Variants in ZBTB20 observed in about 807,000 individuals in gnomAD.
The protein encoded by ZBTB20 is zinc finger and BTB domain-containing protein 20.
A neutral mutation model predicts 56.9 loss-of-function variants in ZBTB20; 9 were observed. The ratio of observed to expected loss-of-function variants is 0.16; its 90% confidence interval spans 0.10 to 0.28. The LOEUF (loss-of-function observed/expected upper bound fraction) is 0.28, where lower values mean the gene tolerates loss of function less well. ZBTB20 is among the 10% of genes least tolerant of loss of function. ZBTB20 has a pLI of 1.00. For synonymous variants in ZBTB20, 417 were observed against 420.7 expected, an observed-to-expected ratio of 0.99 and a Z score of 0.11; for missense variants, 655 against 1,003.0, an observed-to-expected ratio of 0.65 and a Z score of 4.69.
intron 5 of ZBTB20, among the ~76,000 whole-genome samples, chr3:114,721,413 G>T (rs1317175205): frequency 1.3e-5 from 2 of 152,096 alleles, no homozygotes; most frequent in Non-Finnish European, 2.9e-5. Flanking sequence ...ATCTGACTTC[G>T]GTAGTGTCAG....
intron 2 of ZBTB20, among the ~76,000 whole-genome samples, chr3:114,979,145 T>C (rs1274300077): frequency 6.6e-6 from 1 of 151,972 alleles, no homozygotes; most frequent in Non-Finnish European, 1.5e-5. Flanking sequence ...ACTGGTAACA[T>C]CTCCAATTAA....
At chr3:114,647,233 C>T (rs2059896975) in intron 6 of ZBTB20, among the ~76,000 whole-genome samples, 1 of 152,206 alleles carries the variant, frequency 6.6e-6, no homozygotes, top group Non-Finnish European at 1.5e-5. Flanking sequence ...GCTGGGATTA[C>T]AGGCGTGAGC....
In ZBTB20 at chr3:115,079,919, T is replaced by C. The variant is rs534265763; in HGVS notation, c.-702-8505A>G. 3.9e-5 allele frequency among the ~76,000 whole-genome samples: 6 copies of C among 152,286 alleles called. No individual in the cohort carries two copies. In the South Asian group the frequency reaches 8.3e-4, roughly 21 times the overall value. On this transcript the variant is annotated intron_variant, in intron 1 of 11. Coordinates refer to ENST00000675478, the MANE Select transcript of ZBTB20 (RefSeq NM_001348800.3). ...TGCCTACAATGTGCTGGGGAAAATATTAGGTGTTTACGATATGATCTTATT... is the reference window on the plus strand; with the variant it reads ...TGCCTACAATGTGCTGGGGAAAATACTAGGTGTTTACGATATGATCTTATT...
chr3:114,860,272 A>C (rs1350790771), intron 4 of ZBTB20, among the ~76,000 whole-genome samples: 1 of 151,172 alleles, frequency 6.6e-6, no homozygotes, highest in Non-Finnish European at 1.5e-5. Flanking sequence ...GTGCCACTGC[A>C]CTCCAGCCTG....
At chr3:114,860,392 G>T (rs570904656) in intron 4 of ZBTB20, among the ~76,000 whole-genome samples, 21 of 152,118 alleles carry the variant, frequency 1.4e-4, no homozygotes, top group Non-Finnish European at 2.8e-4. Flanking sequence ...CTTCATGGGG[G>T]AGATGGCAAT....
chr3:115,107,965 G>C lies in ZBTB20; in HGVS notation c.-702-36551C>G, dbSNP rs562629952. Among the ~76,000 whole-genome samples the C allele has an allele frequency of 2.6e-5, 4 of 152,204 alleles. No homozygotes were observed. In the South Asian group the frequency reaches 6.2e-4, roughly 24 times the overall value. ...AACACATGGACACAGGGAGAGGAACGACACACACCAGGGCCTGTCGGCGGG... is the reference window on the plus strand; with the variant it reads ...AACACATGGACACAGGGAGAGGAACCACACACACCAGGGCCTGTCGGCGGG... On this transcript the variant is annotated intron_variant, in intron 1 of 11. Transcript: ENST00000675478.
At chr3:114,784,675 T>C (rs2070364344) in intron 5 of ZBTB20, among the ~76,000 whole-genome samples, 2 of 152,200 alleles carry the variant, frequency 1.3e-5, no homozygotes, top group African/African-American at 4.8e-5. Flanking sequence ...TTCTATTAAC[T>C]TGTAAAGTTA....
intron 4 of ZBTB20, among the ~76,000 whole-genome samples, chr3:114,820,850 A>G (rs1393514943): frequency 3.3e-5 from 5 of 152,108 alleles, no homozygotes; most frequent in Admixed American, 1.3e-4. Context: ...CATTCACCCA[A>G]TGCTCTGATG....
rs1526035 is a variant in ZBTB20, at chr3:114,328,478, G to T, written c.*10527C>A. 1 of 152,050 alleles carries T rather than the reference G, an allele frequency of 6.6e-6. No individual in the cohort carries two copies. Among genetic ancestry groups the T allele is most frequent in the Admixed American group, 6.6e-5 (1 of 15,266 alleles). 9.4% of individuals were successfully genotyped at this position (152,050 alleles called of 1,614,324 possible). A position where few individuals can be genotyped will look rare whatever the true frequency, so the allele number is the denominator to read the frequency against. Reference sequence around the variant, plus strand: ...TCCGTCAAAAGTGATTTACTCATATGAAGAACCTGAACACTGTGGTATTTA... The same window carrying T: ...TCCGTCAAAAGTGATTTACTCATATTAAGAACCTGAACACTGTGGTATTTA... On this transcript the variant is annotated 3_prime_UTR_variant, in exon 12 of 12. Transcript: ENST00000675478.
intron 1 of ZBTB20, among the ~76,000 whole-genome samples, chr3:115,132,936 TAGTG>T (rs1210668948): frequency 6.6e-6 from 1 of 152,232 alleles, no homozygotes; most frequent in Non-Finnish European, 1.5e-5. Flanking sequence ...AAATAGCTAC[TAGTG>T]AGTTATTATT....
chr3:115,066,348 A>T (rs760265501), intron 2 of ZBTB20, among the ~76,000 whole-genome samples: 4 of 151,926 alleles, frequency 2.6e-5, no homozygotes, highest in Non-Finnish European at 5.9e-5. Context: ...CTTTTTCTTT[A>T]ACAGCATCCA....
intron 2 of ZBTB20, among the ~76,000 whole-genome samples, chr3:115,019,720 G>A (rs1290822905): frequency 1.3e-5 from 2 of 151,246 alleles, no homozygotes; most frequent in Non-Finnish European, 3.0e-5. Context: ...GGTGGAAGAT[G>A]TCTGAGGAAC....
chr3:114,981,576 A>G (rs1028060058), intron 2 of ZBTB20, among the ~76,000 whole-genome samples: 5 of 152,020 alleles, frequency 3.3e-5, no homozygotes, highest in Non-Finnish European at 7.4e-5. Context: ...ATAATAGCAA[A>G]TACATGAGCA....
At chr3:114,612,108 T>C (rs952378679) in intron 6 of ZBTB20, among the ~76,000 whole-genome samples, 1 of 152,226 alleles carries the variant, frequency 6.6e-6, no homozygotes, top group Non-Finnish European at 1.5e-5. Context: ...TATTAAACCA[T>C]TGGCTACCAT....
Position 114,345,250 on chromosome 3 carries a change from A to G in ZBTB20, c.1804+5024T>C, listed in dbSNP as rs918338777. Among the ~76,000 whole-genome samples the G allele has an allele frequency of 4.6e-5, 7 of 152,212 alleles. No individual in the cohort carries two copies. The East Asian group carries it at 1.3e-3, about 29-fold the overall frequency. ...ATGGGCATGTGAAAGTGTGATATAC[A>G]TGTATATATACGTGTGTGAAATGTA... On this transcript the variant is annotated intron_variant, in intron 11 of 11. Transcript: ENST00000675478.
At chr3:115,007,148 T>C (rs987581988) in intron 2 of ZBTB20, among the ~76,000 whole-genome samples, 2 of 151,832 alleles carry the variant, frequency 1.3e-5, no homozygotes, top group South Asian at 4.1e-4. Flanking sequence ...TTATAGTCAG[T>C]ATGTTTTAAG....
intron 6 of ZBTB20, chr3:114,658,912 C>A (rs1033236831): frequency 2.0e-5 from 3 of 152,152 alleles, no homozygotes; most frequent in Admixed American, 2.0e-4. Flanking sequence ...TATGTCTTAA[C>A]AACATTCTAG....
rs373155230 is a variant in ZBTB20, at chr3:114,547,619, T to A, written c.-294-47228A>T. Reference sequence around the variant, plus strand: ...AGCATCCCAATGATTAAGGGGTGTATGCATGTGAATGCATGTGTGTTACTA... The same window carrying A: ...AGCATCCCAATGATTAAGGGGTGTAAGCATGTGAATGCATGTGTGTTACTA... On this transcript the variant is annotated intron_variant, in intron 6 of 11. Transcript: ENST00000675478. Among the ~76,000 whole-genome samples the A allele has an allele frequency of 4.6e-5, 7 of 152,192 alleles. No homozygotes were observed. The East Asian group carries it at 9.6e-4, about 21-fold the overall frequency.
intron 5 of ZBTB20, among the ~76,000 whole-genome samples, chr3:114,786,533 G>GA (rs2070507537): frequency 6.6e-6 from 1 of 151,724 alleles, no homozygotes; most frequent in Non-Finnish European, 1.5e-5. Flanking sequence ...ACTGTCATAG[G>GA]AAAAAACAGA....
Sources: gnomAD v4.1 joint callset for allele counts (sites outside exome capture counted in the v4.1 genomes callset) on GRCh38, gnomAD v4.1.1 for gene constraint, MANE v1.5 for transcripts, NCBI Gene and HGNC (gene_info 2026-07-23, HGNC 2026-07-21) for gene names.